The following GABRB1 variants were observed in gnomAD, a reference collection of about 807,000 sequenced individuals.
The protein encoded by GABRB1 is gamma-aminobutyric acid type A receptor subunit beta1.
Under a neutral mutation model 51.6 loss-of-function variants are expected in GABRB1, and 17 were observed. The ratio of observed to expected loss-of-function variants is 0.33; its 90% CI spans 0.23 to 0.49. The LOEUF (loss-of-function observed/expected upper bound fraction) is 0.49. Among genes scored for constraint, GABRB1 ranks in the 20% least tolerant of loss-of-function variants. The pLI is 0.99. For missense variants in GABRB1, 410 were observed against 600.6 expected, an observed-to-expected ratio of 0.68 and a Z score of 3.32; for synonymous variants, 247 against 218.9, an observed-to-expected ratio of 1.13 and a Z score of -1.14.
At chr4:47,399,872 T>C (rs1208518801) in intron 5 of GABRB1, among the ~76,000 whole-genome samples, 1 of 152,232 alleles carries the variant, frequency 6.6e-6, no homozygotes, top group East Asian at 1.9e-4. Flanking sequence ...GTCTGGAAGA[T>C]TGTAAGACTA....
intron 4 of GABRB1, among the ~76,000 whole-genome samples, chr4:47,168,374 C>G (rs1041960977): frequency 1.5e-4 from 23 of 152,124 alleles, no homozygotes; most frequent in Admixed American, 1.0e-3. Context: ...CATTTGGCTG[C>G]TAAATCGTTA....
chr4:46,999,587 A>G, intron 1 of GABRB1, among the ~76,000 whole-genome samples: 1 of 152,238 alleles, frequency 6.6e-6, no homozygotes, highest in Non-Finnish European at 1.5e-5. Flanking sequence ...TAAATATATC[A>G]GGAGTAAATG....
At chr4:47,209,799 T>TAA (rs74761348) in intron 4 of GABRB1, among the ~76,000 whole-genome samples, 4 of 145,798 alleles carry the variant, frequency 2.7e-5, no homozygotes, top group African/African-American at 1.0e-4. Context: ...GGTACTTTAG[T>TAA]AAAAAAAAAA....
At chr4:47,095,379 G>A (rs1017168627) in intron 3 of GABRB1, among the ~76,000 whole-genome samples, 1 of 152,082 alleles carries the variant, frequency 6.6e-6, no homozygotes, top group Non-Finnish European at 1.5e-5. Flanking sequence ...CAGTGCCAAG[G>A]AGAAAGGCCC....
intron 3 of GABRB1, among the ~76,000 whole-genome samples, chr4:47,049,504 G>A (rs922792508): frequency 1.3e-5 from 2 of 152,136 alleles, no homozygotes; most frequent in Non-Finnish European, 2.9e-5. Context: ...ATAGTAATAT[G>A]TAAAGGTCAG....
At chr4:47,092,165 CTTTTTTT>C (rs869057256) in intron 3 of GABRB1, among the ~76,000 whole-genome samples, 3 of 60,510 alleles carry the variant, frequency 5.0e-5, no homozygotes, top group Non-Finnish European at 8.8e-5. Context: ...TTCTTTCTTT[CTTTTTTT>C]TTTTTTTTTT....
chr4:47,401,214 T>C (rs965008087), intron 5 of GABRB1, among the ~76,000 whole-genome samples: 1 of 152,224 alleles, frequency 6.6e-6, no homozygotes, highest in African/African-American at 2.4e-5. Flanking sequence ...TACCCAGTAG[T>C]GGGATTGCTA....
chr4:47,185,491 A>G (rs533046509), intron 4 of GABRB1, among the ~76,000 whole-genome samples: 5 of 151,956 alleles, frequency 3.3e-5, no homozygotes, highest in African/African-American at 1.2e-4. Flanking sequence ...TTAGTCTCAA[A>G]TCCAAAGGTC....
At chr4:47,250,145 G>T (rs1266484988) in intron 4 of GABRB1, among the ~76,000 whole-genome samples, 5 of 152,240 alleles carry the variant, frequency 3.3e-5, no homozygotes, top group Admixed American at 2.6e-4. Flanking sequence ...GTGGTGGCTT[G>T]TTTGTGGTGA....
intron 5 of GABRB1, among the ~76,000 whole-genome samples, chr4:47,329,544 A>G (rs1034287602): frequency 2.0e-5 from 3 of 148,668 alleles, no homozygotes; most frequent in Admixed American, 6.8e-5. Flanking sequence ...AGAAATATAT[A>G]TATATTTAGA....
chr4:47,125,305 A>T (rs1716066397), intron 3 of GABRB1, among the ~76,000 whole-genome samples: 1 of 152,140 alleles, frequency 6.6e-6, no homozygotes, highest in Non-Finnish European at 1.5e-5. Context: ...TGCCTTACAC[A>T]AAATGTTAAA....
At chr4:47,122,795 A>T (rs1178454556) in intron 3 of GABRB1, among the ~76,000 whole-genome samples, 1 of 152,194 alleles carries the variant, frequency 6.6e-6, no homozygotes, top group South Asian at 2.1e-4. Flanking sequence ...CACAGTGGGC[A>T]AGAAGCTCAC....
intron 3 of GABRB1, among the ~76,000 whole-genome samples, chr4:47,038,732 C>T (rs2109483116): frequency 6.6e-6 from 1 of 152,292 alleles, no homozygotes; most frequent in South Asian, 2.1e-4. Context: ...CTTCAAAACA[C>T]TCATACACAA....
intron 4 of GABRB1, among the ~76,000 whole-genome samples, chr4:47,296,889 C>A (rs150222018): frequency 6.6e-6 from 1 of 152,108 alleles, no homozygotes; most frequent in Non-Finnish European, 1.5e-5. Context: ...CGTAAAAGAA[C>A]GGAAATTATA....
At chr4:47,313,006 A>G (rs1423696035) in intron 4 of GABRB1, among the ~76,000 whole-genome samples, 1 of 152,208 alleles carries the variant, frequency 6.6e-6, no homozygotes, top group African/African-American at 2.4e-5. Context: ...GCCAATGACC[A>G]TGCATCATTA....
rs572308103 is a variant in GABRB1, at chr4:47,417,495, G to C, written c.1081-8179G>C. Among the ~76,000 whole-genome samples, 7 of 151,838 alleles carry C rather than the reference G, an allele frequency of 4.6e-5. No homozygotes were observed. The South Asian group carries it at 1.3e-3, about 27-fold the overall frequency. ...AGGAATTCCAGCCTAAGAGATCAGG[G>C]TTTGGCAGCCCTGGTGAGCGCAAAT... On this transcript the variant is annotated intron_variant, in intron 8 of 8. Coordinates refer to ENST00000295454, the MANE Select transcript of GABRB1 (RefSeq NM_000812.4).
chr4:47,165,142 T>C (rs1431578946), intron 4 of GABRB1, among the ~76,000 whole-genome samples: 2 of 152,090 alleles, frequency 1.3e-5, no homozygotes, highest in African/African-American at 4.8e-5. Flanking sequence ...GCGGAGACTA[T>C]ACAATATCAC....
At chr4:47,288,157 C>T (rs188795333) in intron 4 of GABRB1, among the ~76,000 whole-genome samples, 3 of 152,134 alleles carry the variant, frequency 2.0e-5, no homozygotes, top group South Asian at 4.2e-4. Context: ...CATCTAGTGT[C>T]GCACTAATCA....
At chr4:46,994,067 C>G (rs1339979601) in intron 1 of GABRB1, 1 of 152,294 alleles carries the variant, frequency 6.6e-6, no homozygotes, top group Non-Finnish European at 1.5e-5. Flanking sequence ...TGAGACCCTC[C>G]CATTCAGGTG....
Sources: allele counts gnomAD v4.1 joint callset (sites outside exome capture counted in the v4.1 genomes callset), GRCh38; gene constraint gnomAD v4.1.1; transcripts MANE v1.5; gene names NCBI Gene and HGNC (gene_info 2026-07-23, HGNC 2026-07-21).